CAPN6: variants seen among roughly 807,000 people sequenced by gnomAD.
CAPN6 encodes the protein calpain-6.
Under a neutral mutation model 46.0 loss-of-function variants are expected in CAPN6, and 16 were observed. The observed-to-expected ratio is 0.35, with a 90% CI of 0.24 to 0.53. The LOEUF is 0.53. Ranked by LOEUF, CAPN6 falls within the 20% of genes least tolerant of loss-of-function variation. The pLI is 0.94. For missense variants in CAPN6, 461 were observed against 498.0 expected (o/e 0.93, Z 0.71); for synonymous variants, 206 against 172.8 (o/e 1.19, Z -1.51).
intron 1 of CAPN6, among the ~76,000 whole-genome samples, chrX:111,269,354 A>AT (rs1163795398): frequency 8.9e-6 from 1 of 112,104 alleles, no homozygotes; most frequent in African/African-American, 3.2e-5. Flanking sequence ...TCCACAAATA[A>AT]TTTTTTTGTT....
chrX:111,251,710 A>G lies in CAPN6; in HGVS notation c.732T>C (p.Thr244=), dbSNP rs1350389451. The stretch of plus-strand genomic sequence containing the variant: ...TATGGCCCTTCAGCAGACCCCAATC[A>G]GTTTCAACTTCTTGCTCCTCCTGAT... ...SPNQEEQEVE[T]DWGLLKGHTY... Residue 244 remains threonine (T), a synonymous_variant, in exon 6 of 13, where the codon ACT becomes ACC. Coordinates refer to ENST00000324068, the MANE Select transcript of CAPN6 (RefSeq NM_014289.4). 3 of 1,207,307 alleles carry G rather than the reference A, an allele frequency of 2.5e-6. No individual in the cohort carries two copies. The highest frequency in any genetic ancestry group is 2.2e-6 in the Non-Finnish European group (2 of 893,356).
intron 1 of CAPN6, among the ~76,000 whole-genome samples, chrX:111,268,581 G>A (rs1269449621): frequency 8.9e-6 from 1 of 112,489 alleles, no homozygotes; most frequent in Non-Finnish European, 1.9e-5. Context: ...TTGATCATGT[G>A]CTTTAAATAA....
At chrX:111,252,545 G>A in intron 4 of CAPN6, 46 bp from the exon 5 acceptor site, 7 of 1,029,904 alleles carry the variant, frequency 6.8e-6, no homozygotes, top group Non-Finnish European at 7.9e-6. Context: ...TGTTTTTCCA[G>A]GTCAAGAACA....
intron 8 of CAPN6, 115 bp from the exon 9 acceptor site, chrX:111,249,172 G>T: frequency 1.2e-6 from 1 of 811,559 alleles, no homozygotes; most frequent in South Asian, 2.6e-5. Context: ...GTTATTTTCT[G>T]GGCTTTCATA....
chrX:111,247,362 T>C lies in CAPN6; in HGVS notation c.1743+6A>G. On this transcript the variant is annotated splice_donor_region_variant and intron_variant, in intron 12 of 12. Transcript: ENST00000324068. ...CCTTTCTGGCGACCCCTGTACACACTCTTACCTGTACTATAATAGGAATGT... is the reference window on the plus strand; with the variant it reads ...CCTTTCTGGCGACCCCTGTACACACCCTTACCTGTACTATAATAGGAATGT... 8.3e-7 allele frequency: 1 copy of C among 1,205,626 alleles called. No homozygotes were observed. The highest frequency in any genetic ancestry group is 1.8e-5 in the South Asian group (1 of 55,629).
intron 2 of CAPN6, among the ~76,000 whole-genome samples, chrX:111,262,022 C>T (rs2094988266): frequency 9.0e-6 from 1 of 111,480 alleles, no homozygotes; most frequent in Non-Finnish European, 1.9e-5. Flanking sequence ...AGAGGGATGC[C>T]CCTTATTTAT....
Position 111,246,723 on chromosome X carries a change from C to T in CAPN6, c.1780G>A (p.Gly594Arg), listed in dbSNP as rs138687868. The T allele has an allele frequency of 6.6e-6, 8 of 1,210,106 alleles. No individual in the cohort carries two copies. Among genetic ancestry groups the T allele is most frequent in the Non-Finnish European group, 7.8e-6 (7 of 895,083 alleles). ...GGGTCAGCATCCAGAGTAACCTGCC[C>T]CAAGAACTGATCACAGAATTTTCGG... Reference protein sequence around the residue: ...NSRKFCDQFLGQVTLDADPSD... With the variant: ...NSRKFCDQFLRQVTLDADPSD... The change falls in exon 13 of 13, where the codon GGG (glycine) becomes AGG (arginine). Residue 594 changes from glycine (G) to arginine (R), a missense_variant. Physicochemically the swap from Gly to Arg is moderately radical, Grantham distance 125. Transcript: ENST00000324068.
intron 2 of CAPN6, among the ~76,000 whole-genome samples, chrX:111,256,844 G>GCCC (rs2094984182): frequency 1.3e-5 from 1 of 78,772 alleles, no homozygotes; most frequent in East Asian, 3.3e-4. Context: ...GTAAATTTGG[G>GCCC]ACCCCCCCCC....
rs772216309 is a variant in CAPN6 at position 111,248,926 on chromosome X, CA to C, written c.1281+8del. The C allele has an allele frequency of 2.7e-5, 33 of 1,209,571 alleles. No homozygotes were observed. In the African/African-American group the frequency reaches 3.9e-4, roughly 14 times the overall value. ...CTTCATTCTCTCTGCCCCAAATGCC[CA>C]TTTTTACCTTGAAGAGCTCAAAGCC... is the stretch of plus-strand genomic sequence containing the variant. On this transcript the variant is annotated splice_region_variant and intron_variant, in intron 9 of 12. Transcript: ENST00000324068.
intron 8 of CAPN6, 121 bp downstream of exon 8, chrX:111,250,796 T>C: frequency 7.4e-6 from 5 of 679,669 alleles, no homozygotes; most frequent in Non-Finnish European, 1.1e-5. Flanking sequence ...TTGTTGAATA[T>C]TACACAATAG....
At position 111,247,478 on chromosome X, in the gene CAPN6, A is replaced by G; in HGVS notation, c.1633T>C (p.Cys545Arg). ...ETVNPYLVIK[C>R]GKEEVRSPVQ... Reference sequence around the variant, plus strand: ...GGAGAACGGACTTCCTCCTTTCCACATTTGATGACCAAATATGGGTTTACA... The same window carrying G: ...GGAGAACGGACTTCCTCCTTTCCACGTTTGATGACCAAATATGGGTTTACA... The change falls in exon 12 of 13, where the codon TGT (cysteine) becomes CGT (arginine). Residue 545 changes from cysteine to arginine, a missense_variant. Transcript: ENST00000324068. The G allele has an allele frequency of 8.3e-7, 1 of 1,207,743 alleles. No homozygotes were observed. The highest frequency in any genetic ancestry group is 1.1e-6 in the Non-Finnish European group (1 of 893,918).
At position 111,245,229 on chromosome X, in the gene CAPN6, C is replaced by T. The variant is rs2094973372; in HGVS notation, c.*1348G>A. 1 of 112,045 alleles carries T rather than the reference C, an allele frequency of 8.9e-6. No individual in the cohort carries two copies. The highest frequency in any genetic ancestry group is 1.9e-5 in the Non-Finnish European group (1 of 53,191). The allele number at this position is 112,045 out of a possible 1,213,427, so 9.2% of individuals were successfully genotyped here. A position where few individuals can be genotyped will look rare whatever the true frequency, so the allele number is the denominator to read the frequency against. On this transcript the variant is annotated 3_prime_UTR_variant, in exon 13 of 13. Transcript: ENST00000324068. Reference sequence around the variant, plus strand: ...GAGCTAAAAATGAATGCTTGCTGGTCTAGGTAGGCTAAGTACTACAACTAT... The same window carrying T: ...GAGCTAAAAATGAATGCTTGCTGGTTTAGGTAGGCTAAGTACTACAACTAT...
At chrX:111,253,983 G>T (rs184853586) in intron 3 of CAPN6, among the ~76,000 whole-genome samples, 2 of 111,917 alleles carry the variant, frequency 1.8e-5, no homozygotes, top group Admixed American at 1.9e-4. Flanking sequence ...CTGAGTCAAT[G>T]CACGGCAAAT....
At chrX:111,258,100 G>C (rs1037286576) in intron 2 of CAPN6, among the ~76,000 whole-genome samples, 1 of 111,595 alleles carries the variant, frequency 9.0e-6, no homozygotes, top group Non-Finnish European at 1.9e-5. Flanking sequence ...CTGAGCGGGA[G>C]GGGGCATACA....
At chrX:111,260,256 A>G (rs2094986853) in intron 2 of CAPN6, among the ~76,000 whole-genome samples, 1 of 104,087 alleles carries the variant, frequency 9.6e-6, no homozygotes, top group Admixed American at 1.0e-4. Context: ...ATCCTGCCCA[A>G]GAATGGGGCG....
chrX:111,254,532 A>G (rs2094982275), intron 2 of CAPN6, 129 bp from the exon 3 acceptor site: 1 of 453,119 alleles, frequency 2.2e-6, no homozygotes, highest in Admixed American at 3.7e-5. Flanking sequence ...TAGGATTTCC[A>G]TAGATGGGAT....
Position 111,246,639 on chromosome X carries a change from T to C in CAPN6, c.1864A>G (p.Lys622Glu), listed in dbSNP as rs1471554378. The change falls in exon 13 of 13, where the codon AAA becomes GAA. Residue 622 changes from lysine (K) to glutamate (E), a missense_variant. Physicochemically the swap from Lys to Glu is moderately conservative, Grantham distance 56 (BLOSUM62 1). Coordinates refer to ENST00000324068, the MANE Select transcript of CAPN6 (RefSeq NM_014289.4). Reference protein sequence around the residue: ...YLRKKGGPTAKVKQGHISFKV... With the variant: ...YLRKKGGPTAEVKQGHISFKV... ...AAGCTGATGTGGCCTTGCTTGACTT[T>C]GGCAGTTGGACCACCCTTCTTACGC... 5 of 1,211,328 alleles carry C rather than the reference T, an allele frequency of 4.1e-6. No individual in the cohort carries two copies. The highest frequency in any genetic ancestry group is 5.6e-6 in the Non-Finnish European group (5 of 895,132).
chrX:111,266,132 T>A (rs764290652), intron 1 of CAPN6, among the ~76,000 whole-genome samples: 2 of 105,513 alleles, frequency 1.9e-5, no homozygotes, highest in East Asian at 6.0e-4. Flanking sequence ...TCCCAAGTCC[T>A]CTCGGACTTG....
rs1472468070 is a variant in CAPN6 at position 111,251,216 on chromosome X, C to G, written c.964G>C (p.Glu322Gln). ...NLGLVMSDDG[E>Q]FWMSLEDFCR... Reference sequence around the variant, plus strand: ...GCAGAAACCCCTCCTCACCAAAACTCTCCATCATCAGACATAACAAGCCCC... The same window carrying G: ...GCAGAAACCCCTCCTCACCAAAACTGTCCATCATCAGACATAACAAGCCCC... The change falls in exon 7 of 13, where the codon GAG becomes CAG. Residue 322 changes from glutamate (E) to glutamine (Q), a missense_variant. Coordinates refer to ENST00000324068, the MANE Select transcript of CAPN6 (RefSeq NM_014289.4). 2 of 1,210,391 alleles carry G rather than the reference C, an allele frequency of 1.7e-6. No individual in the cohort carries two copies. The highest frequency in any genetic ancestry group is 2.2e-6 in the Non-Finnish European group (2 of 895,110).
Sources: gnomAD v4.1 joint callset for allele counts (sites outside exome capture counted in the v4.1 genomes callset) on GRCh38, gnomAD v4.1.1 for gene constraint, MANE v1.5 for transcripts, NCBI Gene and HGNC (gene_info 2026-07-23, HGNC 2026-07-21) for gene names.